The following TOP1 variants were observed in gnomAD, a reference collection of about 807,000 sequenced individuals.
TOP1 encodes DNA topoisomerase 1.
TOP1 carries 10 observed loss-of-function variants against 111.1 expected under a neutral mutation model. The ratio of observed to expected loss-of-function variants is 0.09; its 90% CI spans 0.06 to 0.15. TOP1 has a LOEUF of 0.15. Among genes scored for constraint, TOP1 ranks in the 10% least tolerant of loss-of-function variants. TOP1 has a pLI of 1.00. For synonymous variants in TOP1, 271 were observed against 302.9 expected, an observed-to-expected ratio of 0.89 and a Z score of 1.10; for missense variants, 474 against 926.7, an observed-to-expected ratio of 0.51 and a Z score of 6.34.
chr20:41,046,962 T>G lies in TOP1; in HGVS notation c.59-14432T>G, dbSNP rs1282625825. Among the ~76,000 whole-genome samples, 7 of 152,190 alleles carry G rather than the reference T, an allele frequency of 4.6e-5. No individual in the cohort carries two copies. Among genetic ancestry groups the G allele is most frequent in the Non-Finnish European group, 1.5e-5 (1 of 68,034 alleles). ...GATTTTAACCACTTTCAAGTCAAGT[T>G]GATTGGCCATTCATGAGCTGTGTGC... is the stretch of plus-strand genomic sequence containing the variant. On this transcript the variant is annotated intron_variant, in intron 2 of 20. Coordinates refer to ENST00000361337, the MANE Select transcript of TOP1 (RefSeq NM_003286.4). The surrounding 1 kb of genome is among the most constrained non-coding windows in gnomAD (Gnocchi z 4.3).
chr20:41,053,443 A>G (rs1016647501), intron 2 of TOP1, among the ~76,000 whole-genome samples: 6 of 152,104 alleles, frequency 3.9e-5, no homozygotes, highest in Non-Finnish European at 8.8e-5. Flanking sequence ...TAGATTCAGT[A>G]TTTTTACTCT....
intron 13 of TOP1, among the ~76,000 whole-genome samples, chr20:41,103,696 C>T (rs1017546283): frequency 3.4e-4 from 52 of 152,084 alleles, no homozygotes; most frequent in Non-Finnish European, 2.5e-4. Flanking sequence ...GCTGGCCTCA[C>T]TATATAGCTT....
At chr20:41,103,044 T>C (rs1252956279) in intron 13 of TOP1, among the ~76,000 whole-genome samples, 4 of 152,108 alleles carry the variant, frequency 2.6e-5, no homozygotes, top group South Asian at 2.1e-4. Context: ...TGAGAAAAGG[T>C]GTGATAAAAA....
intron 9 of TOP1, among the ~76,000 whole-genome samples, chr20:41,096,099 G>A (rs924841637): frequency 6.6e-6 from 1 of 152,072 alleles, no homozygotes; most frequent in Non-Finnish European, 1.5e-5. Flanking sequence ...GACAGTCTCA[G>A]TCTGTTGCCC....
Position 41,123,433 on chromosome 20 carries a change from T to C in TOP1, c.*136T>C, listed in dbSNP as rs2034450989. ...ACAAACCAACATCTTTGCGAAAAGA[T>C]AAACCTGGAGATATTATAAGGGAGA... is the stretch of plus-strand genomic sequence containing the variant. On this transcript the variant is annotated 3_prime_UTR_variant, in exon 21 of 21. Coordinates refer to ENST00000361337, the MANE Select transcript of TOP1 (RefSeq NM_003286.4). The surrounding 1 kb of genome is among the most constrained non-coding windows in gnomAD (Gnocchi z 5.8). 1 of 603,618 alleles carries C rather than the reference T, an allele frequency of 1.7e-6. No homozygotes were observed. The highest frequency in any genetic ancestry group is 3.1e-5 in the Admixed American group (1 of 32,046). The allele number at this position is 603,618 out of a possible 1,614,324, so 37.4% of individuals were successfully genotyped here.
intron 2 of TOP1, among the ~76,000 whole-genome samples, chr20:41,042,498 A>G (rs904449544): frequency 2.0e-5 from 3 of 152,236 alleles, no homozygotes; most frequent in African/African-American, 7.2e-5. Flanking sequence ...AGGATGGTTA[A>G]ATCAGGACTT....
At chr20:41,065,923 G>A (rs1225834984) in intron 3 of TOP1, among the ~76,000 whole-genome samples, 1 of 152,102 alleles carries the variant, frequency 6.6e-6, no homozygotes, top group African/African-American at 2.4e-5. Context: ...AACAATGGGT[G>A]GCTGCCTGCT....
chr20:41,059,447 A>C, intron 2 of TOP1, among the ~76,000 whole-genome samples: 1 of 144,758 alleles, frequency 6.9e-6, no homozygotes, highest in African/African-American at 2.5e-5. Context: ...TAAATAAATA[A>C]ATAAATAAAT....
At chr20:41,096,800 T>C (rs1382011485) in intron 9 of TOP1, among the ~76,000 whole-genome samples, 6 of 152,226 alleles carry the variant, frequency 3.9e-5, no homozygotes, top group Non-Finnish European at 8.8e-5. Flanking sequence ...CTCCCTGCCC[T>C]ATCCCTTCCT....
intron 4 of TOP1, 40 bp downstream of exon 4, chr20:41,076,334 C>T (rs776277888): frequency 3.2e-6 from 5 of 1,570,416 alleles, no homozygotes; most frequent in Admixed American, 1.9e-5. Context: ...AACGTGGATG[C>T]ACTTTTGTTT....
chr20:41,040,379 A>G (rs1181894289), intron 2 of TOP1, among the ~76,000 whole-genome samples: 1 of 152,254 alleles, frequency 6.6e-6, no homozygotes, highest in Non-Finnish European at 1.5e-5. Flanking sequence ...AGTTCTTACT[A>G]TTTAATACCA....
At chr20:41,081,975 A>G (rs2033794378) in intron 7 of TOP1, among the ~76,000 whole-genome samples, 1 of 152,248 alleles carries the variant, frequency 6.6e-6, no homozygotes, top group Admixed American at 6.5e-5. Flanking sequence ...GATTGAAAAT[A>G]GAATCATATG....
At chr20:41,089,504 A>G (rs1231942346) in intron 8 of TOP1, among the ~76,000 whole-genome samples, 2 of 152,244 alleles carry the variant, frequency 1.3e-5, no homozygotes, top group African/African-American at 2.4e-5. Context: ...TGACTTTTAA[A>G]GGCTAAATAA....
Position 41,079,583 on chromosome 20 carries a change from T to C in TOP1, c.336-502T>C, listed in dbSNP as rs1393239029. On this transcript the variant is annotated intron_variant, in intron 5 of 20. Coordinates refer to ENST00000361337, the MANE Select transcript of TOP1 (RefSeq NM_003286.4). The surrounding 1 kb of genome is among the most constrained non-coding windows in gnomAD (Gnocchi z 4.0). ...GTAATGTTGTCAGCTTGGTTATTTT[T>C]CCATGTAGCTAGATATACATGTACG... is the stretch of plus-strand genomic sequence containing the variant. Among the ~76,000 whole-genome samples, 1 of 152,244 alleles carries C rather than the reference T, an allele frequency of 6.6e-6. No individual in the cohort carries two copies. Among genetic ancestry groups the C allele is most frequent in the Non-Finnish European group, 1.5e-5 (1 of 68,048 alleles).
At chr20:41,099,424 C>CT (rs1478817561) in intron 11 of TOP1, among the ~76,000 whole-genome samples, 2 of 152,166 alleles carry the variant, frequency 1.3e-5, no homozygotes, top group African/African-American at 4.8e-5. Context: ...AGGACACCTG[C>CT]TGCCAGCAAG....
intron 2 of TOP1, among the ~76,000 whole-genome samples, chr20:41,052,120 C>T (rs1023262112): frequency 2.0e-5 from 3 of 152,080 alleles, no homozygotes; most frequent in African/African-American, 7.2e-5. Context: ...AGCTCTTTAC[C>T]ACTGATTTAT....
At chr20:41,103,942 T>C (rs1344131933) in intron 13 of TOP1, among the ~76,000 whole-genome samples, 2 of 152,142 alleles carry the variant, frequency 1.3e-5, no homozygotes. Flanking sequence ...CCCTGTACTT[T>C]TCCTTTGCAG....
intron 2 of TOP1, among the ~76,000 whole-genome samples, chr20:41,055,814 C>CT (rs2033463349): frequency 6.6e-6 from 1 of 152,154 alleles, no homozygotes. Context: ...TCAGAAACCT[C>CT]TAACTATTTA....
At position 41,099,970 on chromosome 20, in the gene TOP1, T is replaced by A. The variant is rs2034036656; in HGVS notation, c.976-86T>A. ...TGATTTTTCAGACTTTCCTCTACCT[T>A]GACTTAGTCTCCCACAAGAGATAAA... On this transcript the variant is annotated intron_variant, in intron 11 of 20. Coordinates refer to ENST00000361337, the MANE Select transcript of TOP1 (RefSeq NM_003286.4). The A allele has an allele frequency of 4.5e-6, 4 of 896,606 alleles. No homozygotes were observed. In the South Asian group the frequency reaches 9.8e-5, roughly 22 times the overall value. The allele number at this position is 896,606 out of a possible 1,614,324, so 55.5% of individuals were successfully genotyped here.
Sources: allele counts gnomAD v4.1 joint callset (sites outside exome capture counted in the v4.1 genomes callset), GRCh38; gene constraint gnomAD v4.1.1; non-coding constraint Gnocchi (gnomAD v3.1); transcripts MANE v1.5; gene names NCBI Gene and HGNC (gene_info 2026-07-23, HGNC 2026-07-21).